FBLN5: variants seen among roughly 807,000 people sequenced by gnomAD.
FBLN5 encodes fibulin 5.
Under a neutral mutation model 61.6 loss-of-function variants are expected in FBLN5, and 24 were observed. That is an observed-to-expected ratio of 0.39 (90% CI 0.28 to 0.55). The LOEUF is 0.55. Ranked by LOEUF, FBLN5 falls within the 20% of genes least tolerant of loss-of-function variation. The probability of loss-of-function intolerance (pLI) is 0.65; values close to 1 mark genes in which losing one functional copy is unlikely to be tolerated. For missense variants in FBLN5, 470 were observed against 594.1 expected (o/e 0.79, Z 2.17); for synonymous variants, 213 against 219.8 (o/e 0.97, Z 0.27).
At chr14:91,904,323 T>C (rs982519494) in intron 4 of FBLN5, among the ~76,000 whole-genome samples, 3 of 152,194 alleles carry the variant, frequency 2.0e-5, no homozygotes, top group African/African-American at 4.8e-5. Context: ...GTCCACCATC[T>C]ACCTTATTGT....
intron 1 of FBLN5, among the ~76,000 whole-genome samples, chr14:91,945,014 C>T (rs1423869106): frequency 1.3e-5 from 2 of 152,034 alleles, no homozygotes; most frequent in Admixed American, 6.6e-5. Flanking sequence ...GTGGATCACC[C>T]GAGGTCAGGA....
In FBLN5 at chr14:91,883,720, C is replaced by T. The variant is rs75758791; in HGVS notation, c.740-644G>A. ...AAAAACTGCCTGAAAGAGAAAACTC[C>T]GGAGTGGTGAGGGATGGGCAGGGAT... On this transcript the variant is annotated intron_variant, in intron 7 of 10. Coordinates refer to ENST00000342058, the MANE Select transcript of FBLN5 (RefSeq NM_006329.4). Among the ~76,000 whole-genome samples the T allele has an allele frequency of 6.7e-5, 10 of 149,328 alleles. No homozygotes were observed. The East Asian group carries it at 1.8e-3, about 26-fold the overall frequency.
chr14:91,889,294 G>A (rs189316235), intron 6 of FBLN5, among the ~76,000 whole-genome samples: 199 of 152,300 alleles, frequency 1.3e-3, no homozygotes, highest in Middle Eastern at 6.8e-3. Flanking sequence ...CTGGCCACTC[G>A]GAGGTGAATG....
rs574001299 is a variant in FBLN5, at chr14:91,935,191, G to C, written c.379+1756C>G. ...GCCATAAATGGCATGACGTCAGAGG[G>C]ACCAGGGGAGGAATAGGTTTCCCAG... On this transcript the variant is annotated intron_variant, in intron 4 of 10. Transcript: ENST00000342058. Among the ~76,000 whole-genome samples, 21 of 152,370 alleles carry C rather than the reference G, an allele frequency of 1.4e-4. No homozygotes were observed. In the South Asian group the frequency reaches 4.1e-3, roughly 30 times the overall value.
chr14:91,880,526 CGT>C (rs140201135), intron 9 of FBLN5, among the ~76,000 whole-genome samples: 20,943 of 147,350 alleles, frequency 0.14, 1,575 homozygotes, highest in East Asian at 0.32. Context: ...AGTGTGCGTG[CGT>C]GTGTGTGTGT....
In FBLN5 at chr14:91,937,802, A is replaced by C. The variant is rs2056044116; in HGVS notation, c.125-601T>G. ...AAGAAATAAATTCCTCTTCTTTATA[A>C]ATTACCCAGTTTTAGGTATTTAGGT... On this transcript the variant is annotated intron_variant, in intron 3 of 10. Coordinates refer to ENST00000342058, the MANE Select transcript of FBLN5 (RefSeq NM_006329.4). Among the ~76,000 whole-genome samples the C allele has an allele frequency of 2.0e-5, 3 of 152,286 alleles. No individual in the cohort carries two copies. In the South Asian group the frequency reaches 6.2e-4, roughly 32 times the overall value.
intron 4 of FBLN5, among the ~76,000 whole-genome samples, chr14:91,923,845 A>T (rs1302551745): frequency 6.6e-6 from 1 of 152,214 alleles, no homozygotes; most frequent in Non-Finnish European, 1.5e-5. Context: ...GTGATCAGTC[A>T]ATATTGTTTA....
intron 4 of FBLN5, among the ~76,000 whole-genome samples, chr14:91,927,956 C>T (rs192205907): frequency 2.0e-4 from 30 of 152,366 alleles, no homozygotes; most frequent in African/African-American, 7.2e-4. Context: ...ACGCTAGACA[C>T]TGGGGAAGTG....
chr14:91,888,802 C>A (rs570307674), intron 6 of FBLN5, among the ~76,000 whole-genome samples: 1 of 151,954 alleles, frequency 6.6e-6, no homozygotes, highest in Admixed American at 6.6e-5. Context: ...GCTCATCGTG[C>A]GGGGAGGGCA....
In FBLN5 at chr14:91,947,331, C is replaced by G. The variant is rs1005533238; in HGVS notation, c.-102G>C. ...GTCGGCCTCCTCTGGGCCCTCGGGG[C>G]TCGCGGGTGTTTTATTCCAGAGGGG... On this transcript the variant is annotated 5_prime_UTR_variant, in exon 1 of 11. Transcript: ENST00000342058. This position sits in a 1 kb window ranked among gnomAD's most constrained non-coding sequence, Gnocchi z 4.3. 13 of 1,389,930 alleles carry G rather than the reference C, an allele frequency of 9.4e-6. No individual in the cohort carries two copies. In the African/African-American group the frequency reaches 1.8e-4, roughly 20 times the overall value. The allele number at this position is 1,389,930 out of a possible 1,614,324, so 86.1% of individuals were successfully genotyped here.
chr14:91,903,871 T>C (rs1185299442), intron 4 of FBLN5, among the ~76,000 whole-genome samples: 2 of 152,220 alleles, frequency 1.3e-5, no homozygotes, highest in African/African-American at 2.4e-5. Flanking sequence ...CTCTAAATGA[T>C]TGTAATAACC....
intron 6 of FBLN5, among the ~76,000 whole-genome samples, chr14:91,889,510 C>T (rs536029941): frequency 1.3e-5 from 2 of 152,364 alleles, no homozygotes; most frequent in East Asian, 1.9e-4. Flanking sequence ...TCTGCTACCA[C>T]GTGGCTGTGT....
intron 4 of FBLN5, among the ~76,000 whole-genome samples, chr14:91,934,501 A>ATAT (rs1207443840): frequency 6.6e-6 from 1 of 152,190 alleles, no homozygotes; most frequent in South Asian, 2.1e-4. Flanking sequence ...CAAGTGTTTG[A>ATAT]TATTATTACC....
chr14:91,944,363 A>G (rs1046463769), intron 1 of FBLN5, among the ~76,000 whole-genome samples: 2 of 152,262 alleles, frequency 1.3e-5, no homozygotes, highest in African/African-American at 4.8e-5. Flanking sequence ...GTTGGTGTAA[A>G]TATGGTGCAG....
At chr14:91,935,516 T>C (rs1406119499) in intron 4 of FBLN5, among the ~76,000 whole-genome samples, 3 of 152,182 alleles carry the variant, frequency 2.0e-5, no homozygotes, top group African/African-American at 7.2e-5. Flanking sequence ...CCCACCTCTA[T>C]CTCTGCATTT....
chr14:91,882,490 G>C lies in FBLN5; in HGVS notation c.862+464C>G, dbSNP rs1324636741. Among the ~76,000 whole-genome samples the C allele has an allele frequency of 2.6e-4, 39 of 152,222 alleles. No individual in the cohort carries two copies. The highest frequency in any genetic ancestry group is 2.9e-5 in the Non-Finnish European group (2 of 68,044). ...TGGGGTCCCAGCCCTTGCAGGAACA[G>C]AGCAGTCAGGTGCATGAGGTCTCCC... On this transcript the variant is annotated intron_variant, in intron 8 of 10. Coordinates refer to ENST00000342058, the MANE Select transcript of FBLN5 (RefSeq NM_006329.4). The surrounding 1 kb of genome is among the most constrained non-coding windows in gnomAD (Gnocchi z 4.9).
At chr14:91,886,092 A>T (rs1889713263) in intron 7 of FBLN5, among the ~76,000 whole-genome samples, 1 of 152,172 alleles carries the variant, frequency 6.6e-6, no homozygotes, top group African/African-American at 2.4e-5. Context: ...TCCATTCATG[A>T]CCTGGGTCAG....
Position 91,926,185 on chromosome 14 carries a change from C to A in FBLN5, c.379+10762G>T, listed in dbSNP as rs182205068. 5.9e-5 allele frequency among the ~76,000 whole-genome samples: 9 copies of A among 152,318 alleles called. No individual in the cohort carries two copies. The East Asian group carries it at 1.7e-3, about 29-fold the overall frequency. Reference sequence around the variant, plus strand: ...TTCCCTGAACCCCCGACAGCCATGCCCTCCATTATGAAAGACAAGAGCCTG... The same window carrying A: ...TTCCCTGAACCCCCGACAGCCATGCACTCCATTATGAAAGACAAGAGCCTG... On this transcript the variant is annotated intron_variant, in intron 4 of 10. Coordinates refer to ENST00000342058, the MANE Select transcript of FBLN5 (RefSeq NM_006329.4).
At chr14:91,930,613 G>A (rs566899791) in intron 4 of FBLN5, among the ~76,000 whole-genome samples, 2 of 152,208 alleles carry the variant, frequency 1.3e-5, no homozygotes, top group African/African-American at 4.8e-5. Flanking sequence ...GACCAAGCCA[G>A]AGGACTGTAT....
Sources: gnomAD v4.1 joint callset for allele counts (sites outside exome capture counted in the v4.1 genomes callset) on GRCh38, gnomAD v4.1.1 for gene constraint, Gnocchi (gnomAD v3.1) non-coding constraint, MANE v1.5 for transcripts, NCBI Gene and HGNC (gene_info 2026-07-23, HGNC 2026-07-21) for gene names.